VPS45: variants seen among roughly 807,000 people sequenced by gnomAD.
VPS45 encodes vacuolar protein sorting-associated protein 45.
A neutral mutation model predicts 75.9 loss-of-function variants in VPS45; 35 were observed. That is an observed-to-expected ratio of 0.46 (90% confidence interval 0.35 to 0.61). The LOEUF (loss-of-function observed/expected upper bound fraction) is 0.61. Ranked by LOEUF, VPS45 falls within the 20% of genes least tolerant of loss-of-function variation. VPS45 has a pLI of 0.00. For synonymous variants in VPS45, 220 were observed against 238.2 expected, an observed-to-expected ratio of 0.92 and a Z score of 0.70; for missense variants, 559 against 685.9, an observed-to-expected ratio of 0.81 and a Z score of 2.07.
chr1:150,067,774 C>T, upstream of VPS45: 2 of 1,412,020 alleles, frequency 1.4e-6, 1 homozygote, highest in South Asian at 2.4e-5. Context: ...GAGGAAGCAG[C>T]TGAGACCCGG....
chr1:150,075,682 A>T (rs1655334265), intron 3 of VPS45, among the ~76,000 whole-genome samples: 1 of 152,172 alleles, frequency 6.6e-6, no homozygotes, highest in Non-Finnish European at 1.5e-5. Flanking sequence ...CAGTTTATAT[A>T]TAAAAGACAG....
At chr1:150,140,391 GT>G (rs1659332652) in intron 14 of VPS45, among the ~76,000 whole-genome samples, 1 of 131,698 alleles carries the variant, frequency 7.6e-6, no homozygotes, top group Non-Finnish European at 1.5e-5. Flanking sequence ...CTTCTGGTGT[GT>G]GTGTGTGTGT....
At chr1:150,107,069 A>G (rs1559925726) in intron 13 of VPS45, among the ~76,000 whole-genome samples, 1 of 152,152 alleles carries the variant, frequency 6.6e-6, no homozygotes, top group Non-Finnish European at 1.5e-5. Context: ...TCAGTTGCTA[A>G]TGCTGGCTAC....
chr1:150,091,611 G>A (rs1456112645), intron 10 of VPS45, among the ~76,000 whole-genome samples: 8 of 152,094 alleles, frequency 5.3e-5, no homozygotes, highest in Non-Finnish European at 8.8e-5. Flanking sequence ...TTGTTGTGCC[G>A]TATTGATTCA....
At chr1:150,074,978 T>TC (rs1169534480) in intron 3 of VPS45, among the ~76,000 whole-genome samples, 1 of 141,182 alleles carries the variant, frequency 7.1e-6, no homozygotes, top group Admixed American at 7.0e-5. Context: ...TTTTTTTTTT[T>TC]TGAGACACAG....
At chr1:150,134,566 T>C (rs1418680660) in intron 14 of VPS45, among the ~76,000 whole-genome samples, 1 of 152,222 alleles carries the variant, frequency 6.6e-6, no homozygotes, top group African/African-American at 2.4e-5. Flanking sequence ...TTAATTCCCT[T>C]GCTTTGGTGG....
At chr1:150,077,858 A>G (rs1306312354) in intron 7 of VPS45, 79 bp downstream of exon 7, 12 of 1,161,028 alleles carry the variant, frequency 1.0e-5, no homozygotes, top group Admixed American at 5.6e-5. Flanking sequence ...AAGTAAAAAC[A>G]TGGTCCATTT....
intron 14 of VPS45, among the ~76,000 whole-genome samples, chr1:150,118,413 T>C (rs1658056819): frequency 6.6e-6 from 1 of 152,052 alleles, no homozygotes; most frequent in African/African-American, 2.4e-5. Flanking sequence ...AAATGACCTT[T>C]TGTTTTTTTG....
chr1:150,110,358 A>T, intron 13 of VPS45, 138 bp from the exon 14 acceptor site: 1 of 835,088 alleles, frequency 1.2e-6, no homozygotes. Flanking sequence ...AACTTTTTTT[A>T]AACCTTTTAT....
chr1:150,067,585 C>T, upstream of VPS45: 1 of 460,162 alleles, frequency 2.2e-6, no homozygotes, highest in East Asian at 3.5e-5. Flanking sequence ...GAGTCCGGGC[C>T]TCAGGCATCT....
At chr1:150,097,010 T>C (rs1656689438) in intron 13 of VPS45, among the ~76,000 whole-genome samples, 1 of 150,336 alleles carries the variant, frequency 6.7e-6, no homozygotes, top group African/African-American at 2.5e-5. Context: ...TTTTTTTAAA[T>C]GACATAACTC....
intron 13 of VPS45, among the ~76,000 whole-genome samples, chr1:150,103,804 G>A (rs587606397): frequency 2.0e-4 from 31 of 152,216 alleles, no homozygotes; most frequent in Non-Finnish European, 4.0e-4. Context: ...CTGCTCAATC[G>A]CTTTTTAAAT....
At chr1:150,104,863 A>G (rs55782319) in intron 13 of VPS45, among the ~76,000 whole-genome samples, 4,353 of 152,200 alleles carry the variant, frequency 0.029, 156 homozygotes, top group African/African-American at 0.092. Flanking sequence ...AAAGTGCTGG[A>G]ATTACAGGCA....
At chr1:150,104,537 G>A (rs2101595676) in intron 13 of VPS45, among the ~76,000 whole-genome samples, 1 of 152,206 alleles carries the variant, frequency 6.6e-6, no homozygotes, top group South Asian at 2.1e-4. Flanking sequence ...CCAGTAGTGG[G>A]ATTTCTGGGT....
intron 14 of VPS45, among the ~76,000 whole-genome samples, chr1:150,117,704 CA>C (rs1327831127): frequency 6.6e-6 from 1 of 150,846 alleles, no homozygotes; most frequent in African/African-American, 2.4e-5. Context: ...ACCAAAAATA[CA>C]AAAAAGTAGC....
intron 13 of VPS45, among the ~76,000 whole-genome samples, chr1:150,100,433 A>G (rs1656915767): frequency 6.6e-6 from 1 of 152,228 alleles, no homozygotes; most frequent in South Asian, 2.1e-4. Flanking sequence ...ATTCAGTGCT[A>G]TTCCTATCTA....
intron 10 of VPS45, among the ~76,000 whole-genome samples, chr1:150,086,242 C>G (rs1435281261): frequency 2.0e-5 from 3 of 152,030 alleles, no homozygotes; most frequent in African/African-American, 7.2e-5. Flanking sequence ...AAAACTCAGT[C>G]CTTTTGTCTA....
chr1:150,136,251 A>AAAG (rs1659089913), intron 14 of VPS45, among the ~76,000 whole-genome samples: 1 of 139,046 alleles, frequency 7.2e-6, no homozygotes, highest in Non-Finnish European at 1.6e-5. Context: ...TCTGTCTACA[A>AAAG]AAAAAAAAAA....
chr1:150,107,295 T>C (rs1657382979), intron 13 of VPS45, among the ~76,000 whole-genome samples: 1 of 152,178 alleles, frequency 6.6e-6, no homozygotes. Flanking sequence ...CATGTTTTTG[T>C]CTTATGCACA....
Sources: gnomAD v4.1 joint callset for allele counts (sites outside exome capture counted in the v4.1 genomes callset) on GRCh38, gnomAD v4.1.1 for gene constraint, MANE v1.5 for transcripts, NCBI Gene and HGNC (gene_info 2026-07-23, HGNC 2026-07-21) for gene names.